Variants in RAPGEF2 observed in about 807,000 individuals in gnomAD.
RAPGEF2 encodes PDZ domain containing guanine nucleotide exchange factor (GEF) 1.
RAPGEF2 carries 54 observed loss-of-function variants against 186.7 expected under a neutral mutation model. That is an observed-to-expected ratio of 0.29 (90% CI 0.23 to 0.36). RAPGEF2 has a LOEUF of 0.36. RAPGEF2 is among the 10% of genes least tolerant of loss of function. The pLI, the probability that RAPGEF2 is intolerant of heterozygous loss-of-function variation, is 1.00. For missense variants in RAPGEF2, 1,532 were observed against 2,045.0 expected, an observed-to-expected ratio of 0.75 and a Z score of 4.84; for synonymous variants, 712 against 705.9, an observed-to-expected ratio of 1.01 and a Z score of -0.14.
chr4:159,114,105 A>T (rs1738788842), intron 1 of RAPGEF2, among the ~76,000 whole-genome samples: 2 of 149,242 alleles, frequency 1.3e-5, no homozygotes, highest in Non-Finnish European at 3.0e-5. Context: ...GGCATGCACC[A>T]TCATACCTGG....
At chr4:159,268,572 G>C (rs1006348747) in intron 7 of RAPGEF2, among the ~76,000 whole-genome samples, 2 of 152,112 alleles carry the variant, frequency 1.3e-5, no homozygotes, top group Admixed American at 1.3e-4. Context: ...TCATCAGAAA[G>C]GTTATTGAGA....
intron 1 of RAPGEF2, among the ~76,000 whole-genome samples, chr4:159,108,842 G>A (rs907896442): frequency 3.3e-5 from 5 of 152,002 alleles, no homozygotes. Flanking sequence ...CGTCAGCCTC[G>A]AGTAACTGGG....
At chr4:159,196,621 G>T (rs1748680009) in intron 3 of RAPGEF2, among the ~76,000 whole-genome samples, 1 of 152,218 alleles carries the variant, frequency 6.6e-6, no homozygotes, top group African/African-American at 2.4e-5. Flanking sequence ...TTGGCATGAG[G>T]ATGAGATACA....
At position 159,331,688 on chromosome 4, in the gene RAPGEF2, G is replaced by C; in HGVS notation, c.1634G>C (p.Arg545Thr). 6.2e-7 allele frequency: 1 copy of C among 1,614,120 alleles called. No individual in the cohort carries two copies. The highest frequency in any genetic ancestry group is 1.1e-5 in the South Asian group (1 of 91,078). ...GCGTGTGCTGCTAAAGCAAAAAGAA[G>C]ATTGATGACGTTAACAAAACCATCC... ...NIACAAKAKR[R>T]LMTLTKPSRE... Residue 545 changes from arginine (R) to threonine (T), a missense_variant, in exon 15 of 30, where the codon AGA becomes ACA. Arg to Thr is a moderately conservative substitution (Grantham distance 71). Coordinates refer to ENST00000691494, the MANE Select transcript of RAPGEF2 (RefSeq NM_001394067.2).
intron 6 of RAPGEF2, among the ~76,000 whole-genome samples, chr4:159,242,718 TAAA>T (rs58138173): frequency 1.3e-5 from 2 of 151,624 alleles, no homozygotes; most frequent in Non-Finnish European, 2.9e-5. Flanking sequence ...CCATTGTCCA[TAAA>T]AAAGGTAATG....
intron 1 of RAPGEF2, among the ~76,000 whole-genome samples, chr4:159,181,693 G>A (rs149670809): frequency 0.012 from 1,758 of 148,456 alleles, 33 homozygotes; most frequent in African/African-American, 0.041. Flanking sequence ...GCATCACCAC[G>A]CCTGGCTAAT....
intron 7 of RAPGEF2, among the ~76,000 whole-genome samples, chr4:159,260,440 T>G (rs1756690410): frequency 6.6e-6 from 1 of 152,180 alleles, no homozygotes; most frequent in Non-Finnish European, 1.5e-5. Flanking sequence ...CCTATGATTC[T>G]ATATTATATC....
intron 1 of RAPGEF2, among the ~76,000 whole-genome samples, chr4:159,105,196 C>A (rs957644757): frequency 2.0e-5 from 3 of 152,156 alleles, no homozygotes. Flanking sequence ...TATTCCTAAG[C>A]GTTGGGATGG....
chr4:159,237,315 G>A (rs527940046), intron 4 of RAPGEF2, among the ~76,000 whole-genome samples: 10 of 152,234 alleles, frequency 6.6e-5, no homozygotes, highest in African/African-American at 1.9e-4. Flanking sequence ...GCCATCGCGC[G>A]TGGCCGGAAA....
At chr4:159,168,959 A>G (rs542152282) in intron 1 of RAPGEF2, among the ~76,000 whole-genome samples, 2 of 152,362 alleles carry the variant, frequency 1.3e-5, no homozygotes, top group South Asian at 2.1e-4. Context: ...ACCGTTATTC[A>G]TAATTGAATT....
intron 7 of RAPGEF2, among the ~76,000 whole-genome samples, chr4:159,280,777 A>G (rs1759584936): frequency 6.6e-6 from 1 of 152,234 alleles, no homozygotes; most frequent in Non-Finnish European, 1.5e-5. Flanking sequence ...ATTGTATATT[A>G]TCTTCAAGCA....
chr4:159,219,787 T>C (rs1186640669), intron 4 of RAPGEF2, among the ~76,000 whole-genome samples: 1 of 152,236 alleles, frequency 6.6e-6, no homozygotes, highest in Non-Finnish European at 1.5e-5. Flanking sequence ...ATTCCTTACC[T>C]TAGTGCTTAG....
intron 17 of RAPGEF2, 88 bp downstream of exon 17, chr4:159,332,785 T>C: frequency 7.0e-7 from 1 of 1,433,780 alleles, no homozygotes. Context: ...TTTGCATGAG[T>C]CTGAAAACTG....
At chr4:159,350,773 TTCTCATATTAAAAGAG>T (rs1237578138) in intron 26 of RAPGEF2, among the ~76,000 whole-genome samples, 1 of 152,230 alleles carries the variant, frequency 6.6e-6, no homozygotes, top group Non-Finnish European at 1.5e-5. Context: ...TGTTGATACA[TTCTCATATTAAAAGAG>T]TAGGTAATTT....
At chr4:159,336,698 A>C (rs1408172339) in intron 17 of RAPGEF2, among the ~76,000 whole-genome samples, 1 of 152,124 alleles carries the variant, frequency 6.6e-6, no homozygotes, top group Non-Finnish European at 1.5e-5. Flanking sequence ...TCTTTAAAAA[A>C]TGTTTTTGCC....
intron 7 of RAPGEF2, among the ~76,000 whole-genome samples, chr4:159,250,280 T>C (rs747465404): frequency 3.3e-5 from 5 of 152,110 alleles, no homozygotes; most frequent in Non-Finnish European, 5.9e-5. Flanking sequence ...AACTTACTTA[T>C]GTAACCAAAT....
intron 7 of RAPGEF2, among the ~76,000 whole-genome samples, chr4:159,295,745 G>A: frequency 7.7e-6 from 1 of 129,786 alleles, no homozygotes; most frequent in African/African-American, 3.4e-5. Context: ...GTGTGTGTGT[G>A]TGTGTGTGTG....
At chr4:159,301,470 A>C (rs1219839825) in intron 7 of RAPGEF2, among the ~76,000 whole-genome samples, 1 of 152,324 alleles carries the variant, frequency 6.6e-6, no homozygotes, top group East Asian at 1.9e-4. Flanking sequence ...TACATATCTC[A>C]TATTAAAAGG....
intron 3 of RAPGEF2, among the ~76,000 whole-genome samples, chr4:159,198,331 T>C (rs1224475007): frequency 1.3e-5 from 1 of 77,474 alleles, no homozygotes; most frequent in Non-Finnish European, 2.3e-5. Context: ...TCTTTCTTTC[T>C]TTCTTTTTCT....
Sources: gnomAD v4.1 joint callset for allele counts (sites outside exome capture counted in the v4.1 genomes callset) on GRCh38, gnomAD v4.1.1 for gene constraint, MANE v1.5 for transcripts, NCBI Gene and HGNC (gene_info 2026-07-23, HGNC 2026-07-21) for gene names.